KSR2: variants seen among roughly 807,000 people sequenced by gnomAD.
KSR2 encodes the protein kinase suppressor of ras 2.
A neutral mutation model predicts 107.8 loss-of-function variants in KSR2; 25 were observed. The observed-to-expected ratio is 0.23, with a 90% CI of 0.17 to 0.32. The LOEUF (loss-of-function observed/expected upper bound fraction) is 0.32, where lower values mean the gene tolerates loss of function less well. Ranked by LOEUF, KSR2 falls within the 10% of genes least tolerant of loss-of-function variation. The pLI is 1.00. For synonymous variants in KSR2, 480 were observed against 507.0 expected, an observed-to-expected ratio of 0.95 and a Z score of 0.71; for missense variants, 887 against 1,268.9, an observed-to-expected ratio of 0.70 and a Z score of 4.57.
chr12:117,603,817 A>G (rs1009436235), intron 5 of KSR2, among the ~76,000 whole-genome samples: 3 of 152,200 alleles, frequency 2.0e-5, no homozygotes, highest in African/African-American at 7.2e-5. Context: ...CGCCTCATTA[A>G]AACTCCTGGC....
At chr12:117,573,448 C>T (rs1487781656) in intron 7 of KSR2, among the ~76,000 whole-genome samples, 1 of 151,540 alleles carries the variant, frequency 6.6e-6, no homozygotes, top group African/African-American at 2.4e-5. Context: ...GGGAGCCACA[C>T]AACCAGTTGG....
At chr12:117,803,076 C>T (rs1324954553) in intron 3 of KSR2, among the ~76,000 whole-genome samples, 1 of 152,150 alleles carries the variant, frequency 6.6e-6, no homozygotes, top group African/African-American at 2.4e-5. Context: ...ATTCCTGAAG[C>T]GATTCTGGGC....
chr12:117,661,152 C>T lies in KSR2; in HGVS notation c.1171+6322G>A, dbSNP rs141459758. 3.6e-3 allele frequency among the ~76,000 whole-genome samples: 547 copies of T among 152,328 alleles called. 3 individuals carry two copies. The highest frequency in any genetic ancestry group is 0.012 in the African/African-American group (490 of 41,570). ...GAGAGATGTTCTATAAAGTAACTGA[C>T]CCCTCCTCTTCAAAGAGGCCAAAGT... On this transcript the variant is annotated intron_variant, in intron 5 of 19. Transcript: ENST00000339824.
chr12:117,604,639 C>T (rs993690864), intron 5 of KSR2, among the ~76,000 whole-genome samples: 10 of 152,106 alleles, frequency 6.6e-5, no homozygotes, highest in Non-Finnish European at 2.9e-5. Flanking sequence ...CCACAGTTTT[C>T]CTAATTTTTA....
At chr12:117,894,337 T>G (rs1177233792) in intron 1 of KSR2, among the ~76,000 whole-genome samples, 1 of 152,196 alleles carries the variant, frequency 6.6e-6, no homozygotes, top group Non-Finnish European at 1.5e-5. Flanking sequence ...TATCATGAAC[T>G]TTTGTATTAA....
At position 117,595,351 on chromosome 12, in the gene KSR2, C is replaced by CTTTTTTTT. The variant is rs71099060; in HGVS notation, c.1172-13000_1172-12993dup. Among the ~76,000 whole-genome samples, 30 of 94,594 alleles carry CTTTTTTTT rather than the reference C, an allele frequency of 3.2e-4. 2 individuals carry two copies. Among genetic ancestry groups the CTTTTTTTT allele is most frequent in the East Asian group, 6.5e-4 (2 of 3,068 alleles). 62.1% of individuals were successfully genotyped at this position (94,594 alleles called of 152,430 possible). A position where few individuals can be genotyped will look rare whatever the true frequency, so the allele number is the denominator to read the frequency against. On this transcript the variant is annotated intron_variant, in intron 5 of 19. Coordinates refer to ENST00000339824, the MANE Select transcript of KSR2 (RefSeq NM_173598.6). ...GCCCTAAACATTGCTAGATCAAATTCTTTTTTTTTTTTTTTTTTTTTTTTG... is the reference window on the plus strand; with the variant it reads ...GCCCTAAACATTGCTAGATCAAATTCTTTTTTTTTTTTTTTTTTTTTTTTTTTTTTTTG...
intron 3 of KSR2, among the ~76,000 whole-genome samples, chr12:117,827,193 A>T (rs961927717): frequency 2.2e-4 from 33 of 152,264 alleles, no homozygotes; most frequent in Middle Eastern, 3.4e-3. Context: ...TTTGAAAGGA[A>T]AAAAGAAGGT....
At chr12:117,598,568 T>A (rs1462225409) in intron 5 of KSR2, among the ~76,000 whole-genome samples, 1 of 152,218 alleles carries the variant, frequency 6.6e-6, no homozygotes, top group Admixed American at 6.5e-5. Context: ...TTGTACTAGT[T>A]TACATTCCCA....
intron 12 of KSR2, among the ~76,000 whole-genome samples, chr12:117,527,352 CACACACACACACACA>C (rs1875267432): frequency 6.9e-6 from 1 of 144,288 alleles, no homozygotes; most frequent in African/African-American, 2.7e-5. Context: ...CACACAGACA[CACACACACACACACA>C]ACACAGTGCG....
At chr12:117,939,032 G>A (rs1252976614) in intron 1 of KSR2, among the ~76,000 whole-genome samples, 2 of 151,750 alleles carry the variant, frequency 1.3e-5, no homozygotes, top group Non-Finnish European at 2.9e-5. Context: ...TTGTTTTCCT[G>A]TAAAGTGACT....
At position 117,497,461 on chromosome 12, in the gene KSR2, T is replaced by C. The variant is rs144415989; in HGVS notation, c.2220-11770A>G. The stretch of plus-strand genomic sequence containing the variant: ...TAACTTGTGACAACTTCTAGCATAA[T>C]ACTCCTTATCAAATCCCTCCACGCA... On this transcript the variant is annotated intron_variant, in intron 14 of 19. Transcript: ENST00000339824. 6.0e-4 allele frequency among the ~76,000 whole-genome samples: 91 copies of C among 152,218 alleles called. 1 individual carries two copies. In the East Asian group the frequency reaches 0.016, roughly 27 times the overall value.
chr12:117,593,401 T>C (rs1880438997), intron 5 of KSR2, among the ~76,000 whole-genome samples: 2 of 152,068 alleles, frequency 1.3e-5, no homozygotes, highest in Admixed American at 6.5e-5. Context: ...CAGGGGGAGA[T>C]GGGAGACACG....
intron 14 of KSR2, among the ~76,000 whole-genome samples, chr12:117,507,772 T>G (rs1437725464): frequency 6.6e-6 from 1 of 152,222 alleles, no homozygotes; most frequent in Non-Finnish European, 1.5e-5. Context: ...AACTCCAGCC[T>G]GCTGCTGATT....
intron 7 of KSR2, among the ~76,000 whole-genome samples, chr12:117,561,868 G>A (rs1238978980): frequency 1.3e-5 from 2 of 152,192 alleles, no homozygotes; most frequent in Non-Finnish European, 2.9e-5. Flanking sequence ...CTGATGCAGA[G>A]CTCTGCTAAA....
At chr12:117,745,016 G>A (rs899304556) in intron 4 of KSR2, among the ~76,000 whole-genome samples, 1 of 152,118 alleles carries the variant, frequency 6.6e-6, no homozygotes, top group Non-Finnish European at 1.5e-5. Context: ...ACTAAGTGCT[G>A]TTATGAGCCT....
At chr12:117,600,671 T>C (rs778946519) in intron 5 of KSR2, among the ~76,000 whole-genome samples, 19 of 152,230 alleles carry the variant, frequency 1.2e-4, no homozygotes, top group Admixed American at 2.0e-4. Flanking sequence ...ATCTTTGCAC[T>C]TTGTCAATAG....
At chr12:117,570,267 G>T (rs1322128929) in intron 7 of KSR2, among the ~76,000 whole-genome samples, 4 of 152,198 alleles carry the variant, frequency 2.6e-5, no homozygotes, top group Non-Finnish European at 2.9e-5. Flanking sequence ...CTCCCAAAGT[G>T]CTGGGATTAC....
chr12:117,765,978 C>T (rs1336478011), intron 3 of KSR2, among the ~76,000 whole-genome samples: 1 of 152,122 alleles, frequency 6.6e-6, no homozygotes, highest in Non-Finnish European at 1.5e-5. Flanking sequence ...CTATGCCAGC[C>T]CCTGCCCTCA....
At chr12:117,923,331 T>A (rs1419895223) in intron 1 of KSR2, among the ~76,000 whole-genome samples, 2 of 152,214 alleles carry the variant, frequency 1.3e-5, no homozygotes, top group African/African-American at 2.4e-5. Context: ...AACCTAACCC[T>A]GTTATCTCCC....
Sources: allele counts gnomAD v4.1 joint callset (sites outside exome capture counted in the v4.1 genomes callset), GRCh38; gene constraint gnomAD v4.1.1; transcripts MANE v1.5; gene names NCBI Gene and HGNC (gene_info 2026-07-23, HGNC 2026-07-21).